The following POLB variants were observed in gnomAD, a reference collection of about 807,000 sequenced individuals.
POLB encodes the protein 5'-dRP lyase.
A neutral mutation model predicts 52.7 loss-of-function variants in POLB; 37 were observed. The ratio of observed to expected loss-of-function variants is 0.70; its 90% CI spans 0.54 to 0.92. The LOEUF is 0.92. Among genes scored for constraint, POLB ranks in the 40% least tolerant of loss-of-function variants. The pLI is 0.00. For missense variants in POLB, 313 were observed against 400.8 expected (o/e 0.78, Z 1.87); for synonymous variants, 138 against 131.3 (o/e 1.05, Z -0.35).
At chr8:42,351,191 CT>C (rs200998296) in intron 5 of POLB, among the ~76,000 whole-genome samples, 2 of 152,048 alleles carry the variant, frequency 1.3e-5, no homozygotes, top group Non-Finnish European at 2.9e-5. Flanking sequence ...ATCTATTATC[CT>C]TTTTTTCTAG....
intron 11 of POLB, among the ~76,000 whole-genome samples, chr8:42,363,820 A>G (rs1050229881): frequency 6.6e-6 from 1 of 152,194 alleles, no homozygotes; most frequent in African/African-American, 2.4e-5. Context: ...GGGGGGAATT[A>G]AGACTTAATA....
At chr8:42,355,476 A>T (rs772716023) in intron 6 of POLB, 40 bp from the exon 7 acceptor site, 1 of 1,167,540 alleles carries the variant, frequency 8.6e-7, no homozygotes, top group Admixed American at 1.9e-5. Flanking sequence ...CCCAAAAAGC[A>T]TTTAAATTAA....
intron 2 of POLB, chr8:42,342,224 T>C (rs2130773670): frequency 6.5e-7 from 1 of 1,547,086 alleles, no homozygotes; most frequent in East Asian, 2.2e-5. Flanking sequence ...AGCACCTGGC[T>C]GACCATCAAT....
intron 8 of POLB, 43 bp downstream of exon 8, chr8:42,357,266 G>A (rs1381620684): frequency 1.4e-6 from 2 of 1,420,838 alleles, no homozygotes; most frequent in Non-Finnish European, 2.0e-6. Context: ...AATTGAGAGT[G>A]TCACTTGGTG....
At chr8:42,355,189 C>T (rs1174774673) in intron 6 of POLB, among the ~76,000 whole-genome samples, 1 of 151,998 alleles carries the variant, frequency 6.6e-6, no homozygotes, top group African/African-American at 2.4e-5. Flanking sequence ...CAGGGGCACA[C>T]CACCATGCCT....
chr8:42,339,951 C>A (rs1472441775), intron 2 of POLB: 1 of 152,132 alleles, frequency 6.6e-6, no homozygotes, highest in Non-Finnish European at 1.5e-5. Context: ...CTAGCTAGCA[C>A]CTTCCCTCTT....
chr8:42,344,052 A>T (rs1822432095), intron 2 of POLB, among the ~76,000 whole-genome samples: 1 of 151,218 alleles, frequency 6.6e-6, no homozygotes, highest in South Asian at 2.1e-4. Context: ...GATTGCTTAA[A>T]CCTGGGAAGC....
Position 42,355,455 on chromosome 8 carries a change from A to G in POLB, c.371-61A>G, listed in dbSNP as rs1046533377. The G allele has an allele frequency of 1.2e-5, 11 of 911,922 alleles. No individual in the cohort carries two copies. The African/African-American group carries it at 1.5e-4, about 12-fold the overall frequency. The allele number at this position is 911,922 out of a possible 1,614,324, so 56.5% of individuals were successfully genotyped here. A position where few individuals can be genotyped will look rare whatever the true frequency, so the allele number is the denominator to read the frequency against. On this transcript the variant is annotated intron_variant, in intron 6 of 13. Coordinates refer to ENST00000265421, the MANE Select transcript of POLB (RefSeq NM_002690.3). ...CTTTATAAAAAGGGTCATTGAGTTT[A>G]GCATTTTCCCCCCAAAAAGCATTTA...
rs1167157661 is a variant in POLB at position 42,342,280 on chromosome 8, T to C, written c.120-2673T>C. On this transcript the variant is annotated intron_variant, in intron 2 of 13. Transcript: ENST00000265421. Reference sequence around the variant, plus strand: ...GCCAGTCACCTCCACTTGGCCTTCATAGATCTTGTCCATGCCAAACCTATT... The same window carrying C: ...GCCAGTCACCTCCACTTGGCCTTCACAGATCTTGTCCATGCCAAACCTATT... 5 of 1,539,244 alleles carry C rather than the reference T, an allele frequency of 3.2e-6. No homozygotes were observed. The African/African-American group carries it at 5.4e-5, about 17-fold the overall frequency.
intron 6 of POLB, among the ~76,000 whole-genome samples, chr8:42,353,305 G>T (rs1438514110): frequency 6.6e-6 from 1 of 151,264 alleles, no homozygotes; most frequent in Admixed American, 6.6e-5. Flanking sequence ...TAGAGACGGG[G>T]TTTCACTGTG....
chr8:42,344,184 C>T (rs527691926), intron 2 of POLB, among the ~76,000 whole-genome samples: 5 of 147,720 alleles, frequency 3.4e-5, no homozygotes, highest in Non-Finnish European at 3.0e-5. Context: ...TGGTTCACGC[C>T]TGTAATCCTA....
rs1203147948 is a variant in POLB at position 42,346,153 on chromosome 8, T to G, written c.186+1134T>G. Among the ~76,000 whole-genome samples, 3 of 152,150 alleles carry G rather than the reference T, an allele frequency of 2.0e-5. No individual in the cohort carries two copies. The East Asian group carries it at 5.8e-4, about 30-fold the overall frequency. On this transcript the variant is annotated intron_variant, in intron 3 of 13. Transcript: ENST00000265421. Reference sequence around the variant, plus strand: ...GCCAGGCTGGTCTCAAACTCCTGACTTCAGGTGATCCACTGCCTTGAGCCT... The same window carrying G: ...GCCAGGCTGGTCTCAAACTCCTGACGTCAGGTGATCCACTGCCTTGAGCCT...
At chr8:42,350,514 T>C (rs960274290) in intron 5 of POLB, among the ~76,000 whole-genome samples, 1 of 152,030 alleles carries the variant, frequency 6.6e-6, no homozygotes, top group African/African-American at 2.4e-5. Flanking sequence ...TGGGCTTAAG[T>C]GATTCTTCCT....
In POLB at chr8:42,352,574, T is replaced by G; in HGVS notation, c.370+6T>G. On this transcript the variant is annotated splice_donor_region_variant and intron_variant, in intron 6 of 13. Transcript: ENST00000265421. The stretch of plus-strand genomic sequence containing the variant: ...AGGAATTAAAACACTAGAAGGTGAG[T>G]ATGACTGTAGGTCACTAATTCCAGA... The G allele has an allele frequency of 6.5e-7, 1 of 1,545,846 alleles. No individual in the cohort carries two copies. The highest frequency in any genetic ancestry group is 8.9e-7 in the Non-Finnish European group (1 of 1,117,838).
chr8:42,339,148 C>T (rs568676703), intron 2 of POLB, 79 bp downstream of exon 2: 2 of 1,078,968 alleles, frequency 1.9e-6, no homozygotes, highest in African/African-American at 1.5e-5. Context: ...GACTGAGGGC[C>T]CAGTGGATAT....
intron 9 of POLB, among the ~76,000 whole-genome samples, chr8:42,359,968 G>A (rs1297897304): frequency 6.6e-6 from 1 of 150,382 alleles, no homozygotes; most frequent in Non-Finnish European, 1.5e-5. Flanking sequence ...TTTTTTTTGA[G>A]GCAGAGTCTC....
At position 42,350,192 on chromosome 8, in the gene POLB, C is replaced by T. The variant is rs554183533; in HGVS notation, c.320+127C>T. On this transcript the variant is annotated intron_variant, in intron 5 of 13. Transcript: ENST00000265421. ...CTCTGTACCTTAGCCATACAGTTCA[C>T]CCTTCCATAGCTTATGATCTGAGGC... The T allele has an allele frequency of 3.8e-5, 27 of 719,344 alleles. No individual in the cohort carries two copies. In the African/African-American group the frequency reaches 4.2e-4, roughly 11 times the overall value. 44.6% of individuals were successfully genotyped at this position (719,344 alleles called of 1,614,324 possible). A position where few individuals can be genotyped will look rare whatever the true frequency, so the allele number is the denominator to read the frequency against.
At position 42,352,691 on chromosome 8, in the gene POLB, C is replaced by CT. The variant is rs1306229791; in HGVS notation, c.370+128dup. On this transcript the variant is annotated intron_variant, in intron 6 of 13. Transcript: ENST00000265421. ...CAGTAGATACAAAAGATAAGATTTT[C>CT]TTTTTAACTCTGTAGTACAGTAGAT... is the stretch of plus-strand genomic sequence containing the variant. 8.7e-6 allele frequency: 6 copies of CT among 693,198 alleles called. No homozygotes were observed. The East Asian group carries it at 1.3e-4, about 15-fold the overall frequency. 42.9% of individuals were successfully genotyped at this position (693,198 alleles called of 1,614,324 possible).
intron 7 of POLB, 88 bp from the exon 8 acceptor site, chr8:42,357,081 C>A: frequency 1.4e-6 from 1 of 726,590 alleles, no homozygotes; most frequent in Non-Finnish European, 2.4e-6. Flanking sequence ...GCTGGTATGG[C>A]ACGGACAATT....
Sources: gnomAD v4.1 joint callset for allele counts (sites outside exome capture counted in the v4.1 genomes callset) on GRCh38, gnomAD v4.1.1 for gene constraint, MANE v1.5 for transcripts, NCBI Gene and HGNC (gene_info 2026-07-23, HGNC 2026-07-21) for gene names.